The following CSTPP1 variants were observed in gnomAD, a reference collection of about 807,000 sequenced individuals.
CSTPP1 encodes UPF0705 protein C11orf49.
chr11:47,015,599 C>G, the CSTPP1 span, among the ~76,000 whole-genome samples: 1 of 152,070 alleles, frequency 6.6e-6, no homozygotes, highest in South Asian at 2.1e-4. Context: ...AACACCAGTT[C>G]TACACAAATG....
chr11:46,964,722 A>AT, the CSTPP1 span, among the ~76,000 whole-genome samples: 1 of 152,182 alleles, frequency 6.6e-6, no homozygotes, highest in Non-Finnish European at 1.5e-5. Flanking sequence ...TTTAGGTAGG[A>AT]TATATCTATC....
the CSTPP1 span, among the ~76,000 whole-genome samples, chr11:46,939,656 ATAGATAGATAGATAGATAGG>A: frequency 1.1e-3 from 154 of 135,998 alleles, 6 homozygotes; most frequent in South Asian, 0.036. Context: ...AGATAGATAG[ATAGATAGATAGATAGATAGG>A]TAGATGTTTT....
chr11:47,079,815 C>T, the CSTPP1 span, among the ~76,000 whole-genome samples: 7 of 152,138 alleles, frequency 4.6e-5, no homozygotes, highest in East Asian at 3.9e-4. Context: ...GAAATACGGC[C>T]GGGCGCGGTG....
At chr11:47,162,680 T>G in the CSTPP1 span, among the ~76,000 whole-genome samples, 1 of 152,108 alleles carries the variant, frequency 6.6e-6, no homozygotes, top group Non-Finnish European at 1.5e-5. Context: ...TCAACTTCTT[T>G]GGATTGAGGG....
the CSTPP1 span, among the ~76,000 whole-genome samples, chr11:47,093,468 G>A: frequency 6.6e-6 from 1 of 152,270 alleles, no homozygotes; most frequent in African/African-American, 2.4e-5. Flanking sequence ...TTTGGTGCTG[G>A]ATATTTAGAA....
the CSTPP1 span, among the ~76,000 whole-genome samples, chr11:47,142,138 G>C: frequency 6.6e-6 from 1 of 151,384 alleles, no homozygotes; most frequent in African/African-American, 2.4e-5. Flanking sequence ...AGCTACTTGG[G>C]AGCCTGAGGC....
At chr11:47,082,753 A>G in the CSTPP1 span, among the ~76,000 whole-genome samples, 1 of 151,910 alleles carries the variant, frequency 6.6e-6, no homozygotes, top group Admixed American at 6.6e-5. Context: ...CTAGGCAACC[A>G]CTAACCTACT....
At chr11:47,107,133 T>A in the CSTPP1 span, among the ~76,000 whole-genome samples, 6 of 152,172 alleles carry the variant, frequency 3.9e-5, no homozygotes, top group Non-Finnish European at 7.4e-5. Context: ...TCGGGATGTT[T>A]GCAAGAGCCA....
the CSTPP1 span, among the ~76,000 whole-genome samples, chr11:47,004,868 C>G: frequency 5.3e-5 from 8 of 152,184 alleles, no homozygotes; most frequent in Admixed American, 6.5e-5. Context: ...AGCTGTTTAT[C>G]TATGCTTGCA....
chr11:46,962,910 C>A, the CSTPP1 span, among the ~76,000 whole-genome samples: 1 of 152,162 alleles, frequency 6.6e-6, no homozygotes, highest in South Asian at 2.1e-4. Context: ...GCCGTGTTCA[C>A]ATTACTGCAC....
At chr11:47,148,839 T>A in the CSTPP1 span, among the ~76,000 whole-genome samples, 4 of 152,218 alleles carry the variant, frequency 2.6e-5, no homozygotes, top group African/African-American at 7.2e-5. Context: ...AGGGAAATTG[T>A]CACTTGGCCA....
chr11:47,147,863 T>C, the CSTPP1 span, among the ~76,000 whole-genome samples: 1 of 152,230 alleles, frequency 6.6e-6, no homozygotes, highest in Non-Finnish European at 1.5e-5. Flanking sequence ...AATGAACTTA[T>C]GGGTGTGTAG....
At chr11:46,959,941 A>T in the CSTPP1 span, among the ~76,000 whole-genome samples, 1 of 145,862 alleles carries the variant, frequency 6.9e-6, no homozygotes, top group African/African-American at 2.6e-5. Flanking sequence ...ATTTCGGCTC[A>T]CTGCAACCTC....
At chr11:46,943,139 A>G in the CSTPP1 span, among the ~76,000 whole-genome samples, 1 of 152,216 alleles carries the variant, frequency 6.6e-6, no homozygotes, top group Admixed American at 6.5e-5. Flanking sequence ...GAAATGGAAT[A>G]TGAATAATCT....
chr11:47,048,288 G>T, the CSTPP1 span, among the ~76,000 whole-genome samples: 2 of 152,120 alleles, frequency 1.3e-5, no homozygotes, highest in African/African-American at 2.4e-5. Flanking sequence ...ACAATAGATG[G>T]TACATACATA....
chr11:47,105,367 C>T, the CSTPP1 span, among the ~76,000 whole-genome samples: 1 of 151,974 alleles, frequency 6.6e-6, no homozygotes, highest in South Asian at 2.1e-4. Context: ...AGTAGTTGGG[C>T]GTGGTAGCCT....
chr11:47,157,214 T>C, the CSTPP1 span: 24 of 1,576,930 alleles, frequency 1.5e-5, no homozygotes, highest in Non-Finnish European at 2.1e-5. Flanking sequence ...TCGGCACAAG[T>C]ACAGGTGAGG....
the CSTPP1 span, chr11:47,157,160 G>T: frequency 3.7e-6 from 6 of 1,612,448 alleles, no homozygotes; most frequent in South Asian, 6.6e-5. Flanking sequence ...GCTGGAGGGC[G>T]TGGAGGCGTC....
At chr11:47,140,007 T>A in the CSTPP1 span, among the ~76,000 whole-genome samples, 2 of 152,082 alleles carry the variant, frequency 1.3e-5, no homozygotes, top group Admixed American at 1.3e-4. Flanking sequence ...GCCAACCAGC[T>A]CCTCTATTGA....
Sources: allele counts gnomAD v4.1 joint callset (sites outside exome capture counted in the v4.1 genomes callset), GRCh38; gene constraint gnomAD v4.1.1; transcripts MANE v1.5; gene names NCBI Gene and HGNC (gene_info 2026-07-23, HGNC 2026-07-21).